ITGB5: variants seen among roughly 807,000 people sequenced by gnomAD.
ITGB5 encodes integrin subunit beta 5, also known as integrin beta-5.
A neutral mutation model predicts 84.8 loss-of-function variants in ITGB5; 38 were observed. The ratio of observed to expected loss-of-function variants is 0.45; its 90% CI spans 0.35 to 0.59. The LOEUF (loss-of-function observed/expected upper bound fraction) is 0.59. Among genes scored for constraint, ITGB5 ranks in the 20% least tolerant of loss-of-function variants. The probability of loss-of-function intolerance (pLI) is 0.01; values close to 1 mark genes in which losing one functional copy is unlikely to be tolerated. For missense variants in ITGB5, 905 were observed against 1,034.5 expected, an observed-to-expected ratio of 0.87 and a Z score of 1.72; for synonymous variants, 393 against 414.4, an observed-to-expected ratio of 0.95 and a Z score of 0.63.
intron 1 of ITGB5, among the ~76,000 whole-genome samples, chr3:124,879,947 A>T (rs1159153995): frequency 6.6e-6 from 1 of 152,252 alleles, no homozygotes; most frequent in Non-Finnish European, 1.5e-5. Context: ...TTCTCGCTTG[A>T]TATGAGTTAT....
Position 124,859,396 on chromosome 3 carries a change from G to C in ITGB5, c.207C>G (p.Asn69Lys). ...SITSRCDLRANLVKNGCGGEI... is the reference protein window; with the variant it reads ...SITSRCDLRAKLVKNGCGGEI... ...CACCTCCACAGCCATTTTTGACAAG[G>C]TTTGCCCTCAGATCACACCGAGAGG... The change falls in exon 3 of 15, where the codon AAC becomes AAG. Residue 69 changes from asparagine (N) to lysine (K), a missense_variant. By Grantham distance (94) the Asn-to-Lys change is moderately conservative (BLOSUM62 0). This residue lies in a region of ITGB5 where 656 missense variants were observed against 734.7 expected (regional missense o/e 0.89). Transcript: ENST00000296181. 2 of 1,614,112 alleles carry C rather than the reference G, an allele frequency of 1.2e-6. No individual in the cohort carries two copies. The highest frequency in any genetic ancestry group is 1.7e-6 in the Non-Finnish European group (2 of 1,180,022).
At chr3:124,875,336 G>A (rs1934256226) in intron 1 of ITGB5, among the ~76,000 whole-genome samples, 1 of 152,124 alleles carries the variant, frequency 6.6e-6, no homozygotes, top group African/African-American at 2.4e-5. Flanking sequence ...AAATTAGCTG[G>A]GTGTGGTGGT....
intron 5 of ITGB5, among the ~76,000 whole-genome samples, chr3:124,838,204 T>TAA (rs56390552): frequency 1.3e-3 from 151 of 116,330 alleles, no homozygotes; most frequent in Non-Finnish European, 2.1e-3. Flanking sequence ...TGTTCCAGAA[T>TAA]AAAAAAAAAA....
intron 7 of ITGB5, among the ~76,000 whole-genome samples, chr3:124,819,089 T>TGGTCCACCCTG (rs1183125064): frequency 6.6e-6 from 1 of 152,188 alleles, no homozygotes; most frequent in Non-Finnish European, 1.5e-5. Flanking sequence ...TTTTTGAAGA[T>TGGTCCACCCTG]GGTCCAGGGT....
intron 4 of ITGB5, among the ~76,000 whole-genome samples, chr3:124,844,226 A>T (rs1172006711): frequency 7.7e-6 from 1 of 130,206 alleles, no homozygotes. Context: ...AAAAAAAAAA[A>T]AAAAAAGAAA....
At chr3:124,775,368 G>A (rs1288572375) in intron 10 of ITGB5, among the ~76,000 whole-genome samples, 6 of 151,758 alleles carry the variant, frequency 4.0e-5, no homozygotes, top group Admixed American at 6.6e-5. Context: ...GTGTGAGTGC[G>A]AGCATCTGTG....
Position 124,763,664 on chromosome 3 carries a change from A to C in ITGB5, c.2359T>G (p.Phe787Val), listed in dbSNP as rs768662813. 2 of 1,603,824 alleles carry C rather than the reference A, an allele frequency of 1.2e-6. No homozygotes were observed. The highest frequency in any genetic ancestry group is 1.7e-6 in the Non-Finnish European group (2 of 1,170,890). ...PISTHTVDFT[F>V]NKFNKSYNGT... ...TTGTAGGATTTGTTGAACTTGTTGA[A>C]GGTGAAGTCCACAGTGTGCGTGGAG... Residue 787 changes from phenylalanine to valine, a missense_variant, in exon 15 of 15, where the codon TTC becomes GTC. Phe to Val is a conservative substitution (Grantham distance 50). Coordinates refer to ENST00000296181, the MANE Select transcript of ITGB5 (RefSeq NM_002213.5).
chr3:124,861,184 GGTT>G (rs1440001288), intron 2 of ITGB5, among the ~76,000 whole-genome samples: 1 of 151,680 alleles, frequency 6.6e-6, no homozygotes, highest in African/African-American at 2.4e-5. Flanking sequence ...TTATATTCTG[GGTT>G]GTTTTTTTTT....
At chr3:124,824,100 T>C (rs888302327) in intron 5 of ITGB5, among the ~76,000 whole-genome samples, 2 of 152,226 alleles carry the variant, frequency 1.3e-5, no homozygotes, top group African/African-American at 4.8e-5. Context: ...AATATTTATA[T>C]GAAATTGTAA....
At chr3:124,769,276 T>C in intron 11 of ITGB5, 163 bp from the exon 12 acceptor site, 3 of 603,112 alleles carry the variant, frequency 5.0e-6, no homozygotes, top group South Asian at 2.1e-5. Context: ...CTTCTTGTTA[T>C]GGGAGGAAGC....
Position 124,817,714 on chromosome 3 carries a change from G to T in ITGB5, c.1039-4C>A. On this transcript the variant is annotated splice_region_variant and splice_polypyrimidine_tract_variant and intron_variant, in intron 7 of 14. Coordinates refer to ENST00000296181, the MANE Select transcript of ITGB5 (RefSeq NM_002213.5). ...CAGGTATCAGGGCTGTAAAATTCTTGGGAAAAAAAGTAAAGAAAAGAAATA... is the reference window on the plus strand; with the variant it reads ...CAGGTATCAGGGCTGTAAAATTCTTTGGAAAAAAAGTAAAGAAAAGAAATA... The T allele has an allele frequency of 6.5e-7, 1 of 1,541,614 alleles. No homozygotes were observed. The highest frequency in any genetic ancestry group is 8.9e-7 in the Non-Finnish European group (1 of 1,125,786).
chr3:124,899,886 A>T (rs1369689421), intron 1 of ITGB5, among the ~76,000 whole-genome samples: 1 of 138,730 alleles, frequency 7.2e-6, no homozygotes, highest in Non-Finnish European at 1.6e-5. Flanking sequence ...AAAAAAAAGC[A>T]GCAGCAGGCA....
intron 5 of ITGB5, among the ~76,000 whole-genome samples, chr3:124,839,054 A>G (rs2064977410): frequency 6.6e-6 from 1 of 152,250 alleles, no homozygotes; most frequent in Non-Finnish European, 1.5e-5. Context: ...AGTGAGAAAT[A>G]AATTGCTTAG....
intron 11 of ITGB5, chr3:124,770,289 A>C (rs1477055702): frequency 6.6e-6 from 1 of 152,390 alleles, no homozygotes; most frequent in Non-Finnish European, 1.5e-5. Flanking sequence ...AGACACCAGG[A>C]GAGGCCCCTA....
upstream of ITGB5, among the ~76,000 whole-genome samples, chr3:124,892,527 T>TA (rs34284622): frequency 0.17 from 18,558 of 106,100 alleles, 1,714 homozygotes; most frequent in Non-Finnish European, 0.2. Context: ...CCATCTCTAT[T>TA]AAAAAAAAAA....
chr3:124,855,946 CTTA>C (rs1364840383), intron 3 of ITGB5, among the ~76,000 whole-genome samples: 1 of 152,110 alleles, frequency 6.6e-6, no homozygotes, highest in East Asian at 1.9e-4. Flanking sequence ...ACTCAAATCA[CTTA>C]TTTTTTATTT....
intron 9 of ITGB5, among the ~76,000 whole-genome samples, chr3:124,804,125 A>T (rs1021528431): frequency 6.6e-6 from 1 of 152,194 alleles, no homozygotes; most frequent in African/African-American, 2.4e-5. Context: ...TGCATCTGGA[A>T]AGAGTTCTGA....
At chr3:124,801,025 C>T (rs997330010) in intron 9 of ITGB5, among the ~76,000 whole-genome samples, 6 of 152,386 alleles carry the variant, frequency 3.9e-5, no homozygotes, top group East Asian at 1.9e-4. Context: ...GCCCAGCCCC[C>T]ACCCTGAACC....
At chr3:124,882,223 T>C (rs748107550) in intron 1 of ITGB5, among the ~76,000 whole-genome samples, 1 of 152,216 alleles carries the variant, frequency 6.6e-6, no homozygotes, top group Admixed American at 6.5e-5. Flanking sequence ...GACTCCCTTA[T>C]TCACGGAGCT....
Sources: gnomAD v4.1 joint callset for allele counts (sites outside exome capture counted in the v4.1 genomes callset) on GRCh38, gnomAD v4.1.1 for gene constraint, gnomAD v4.1.1 regional missense constraint, MANE v1.5 for transcripts, NCBI Gene and HGNC (gene_info 2026-07-23, HGNC 2026-07-21) for gene names.